Variants in G3BP2 observed in about 807,000 individuals in gnomAD.
G3BP2 encodes ras GTPase-activating protein-binding protein 2.
A neutral mutation model predicts 56.7 loss-of-function variants in G3BP2; 11 were observed. The ratio of observed to expected loss-of-function variants is 0.19; its 90% CI spans 0.12 to 0.32. G3BP2 has a LOEUF of 0.32. Ranked by LOEUF, G3BP2 falls within the 10% of genes least tolerant of loss-of-function variation. G3BP2 has a pLI of 1.00. For missense variants in G3BP2, 340 were observed against 610.9 expected, an observed-to-expected ratio of 0.56 and a Z score of 4.67; for synonymous variants, 165 against 191.6, an observed-to-expected ratio of 0.86 and a Z score of 1.15.
chr4:75,658,247 T>C (rs926038658), intron 3 of G3BP2, among the ~76,000 whole-genome samples: 5 of 152,170 alleles, frequency 3.3e-5, no homozygotes, highest in African/African-American at 1.2e-4. Flanking sequence ...AATACATCAA[T>C]GATATAAAAC....
At chr4:75,687,610 A>G (rs943031753) in intron 3 of G3BP2, among the ~76,000 whole-genome samples, 1 of 152,248 alleles carries the variant, frequency 6.6e-6, no homozygotes, top group Non-Finnish European at 1.5e-5. Context: ...TTTGCTTAGG[A>G]ATACATTTTT....
chr4:75,686,309 G>C (rs1330348963), intron 3 of G3BP2, among the ~76,000 whole-genome samples: 1 of 152,056 alleles, frequency 6.6e-6, no homozygotes, highest in Non-Finnish European at 1.5e-5. Context: ...TATGCTAATG[G>C]AAGAGACACA....
chr4:75,677,711 A>C (rs1230207966), upstream of G3BP2, among the ~76,000 whole-genome samples: 1 of 152,212 alleles, frequency 6.6e-6, no homozygotes, highest in Non-Finnish European at 1.5e-5. Context: ...TTTTTCTTGG[A>C]AAGTGTCTTT....
In G3BP2 at chr4:75,655,793, CACT is replaced by C. The variant is rs749852840; in HGVS notation, c.517_519del (p.Ser173del). On this transcript the variant is annotated inframe_deletion, in exon 6 of 12. Coordinates refer to ENST00000359707, the MANE Select transcript of G3BP2 (RefSeq NM_203505.3). ...GTCACAGGGTGAGCTTCATAGTAAC[CACT>C]GTTAGCATTTTCTTGCACAGGTTCA... 2 of 1,593,030 alleles carry C rather than the reference CACT, an allele frequency of 1.3e-6. No homozygotes were observed. The highest frequency in any genetic ancestry group is 1.7e-6 in the Non-Finnish European group (2 of 1,160,826).
chr4:75,691,682 C>T (rs534223348), intron 3 of G3BP2, among the ~76,000 whole-genome samples: 65 of 152,334 alleles, frequency 4.3e-4, no homozygotes, highest in African/African-American at 1.4e-3. Flanking sequence ...GATTCCCAAA[C>T]TTGGTTGCAC....
intron 9 of G3BP2, among the ~76,000 whole-genome samples, chr4:75,647,661 C>T (rs1334208540): frequency 6.6e-6 from 1 of 152,060 alleles, no homozygotes; most frequent in Non-Finnish European, 1.5e-5. Context: ...CTCCCAATAA[C>T]ACAAGGAACA....
intron 3 of G3BP2, among the ~76,000 whole-genome samples, chr4:75,701,051 C>T (rs1324642719): frequency 2.6e-5 from 4 of 151,938 alleles, no homozygotes. Context: ...CCATGTTGGT[C>T]AGGCTGGTTT....
intron 3 of G3BP2, among the ~76,000 whole-genome samples, chr4:75,707,505 G>A (rs1384985556): frequency 2.0e-5 from 3 of 151,370 alleles, no homozygotes; most frequent in African/African-American, 7.3e-5. Flanking sequence ...GCTACTCGGA[G>A]AGGCTGAGGC....
At chr4:75,693,598 G>A (rs1718967351) in intron 3 of G3BP2, among the ~76,000 whole-genome samples, 1 of 152,032 alleles carries the variant, frequency 6.6e-6, no homozygotes, top group Non-Finnish European at 1.5e-5. Context: ...AGACCAGCCT[G>A]GCCAAGTTGG....
At chr4:75,685,308 C>T (rs1324526076) in intron 3 of G3BP2, among the ~76,000 whole-genome samples, 1 of 151,936 alleles carries the variant, frequency 6.6e-6, no homozygotes, top group Non-Finnish European at 1.5e-5. Flanking sequence ...TGACACCAGC[C>T]TGGCCAACAT....
intron 1 of G3BP2, among the ~76,000 whole-genome samples, chr4:75,669,843 A>G (rs1413897229): frequency 6.6e-6 from 1 of 152,228 alleles, no homozygotes; most frequent in Non-Finnish European, 1.5e-5. Flanking sequence ...CTGTAATTCT[A>G]GCACTTCGGG....
At chr4:75,700,382 C>T (rs1274616254) in intron 3 of G3BP2, among the ~76,000 whole-genome samples, 1 of 75,480 alleles carries the variant, frequency 1.3e-5, no homozygotes, top group Non-Finnish European at 2.8e-5. Flanking sequence ...AGGAAAAAAC[C>T]GAAATGAAAA....
intron 7 of G3BP2, among the ~76,000 whole-genome samples, chr4:75,654,739 G>A (rs1401485365): frequency 6.6e-6 from 1 of 152,114 alleles, no homozygotes; most frequent in Non-Finnish European, 1.5e-5. Flanking sequence ...CATGATTCCT[G>A]GTGCATCTGT....
chr4:75,662,178 A>G (rs1256897424), intron 1 of G3BP2, 129 bp from the exon 2 acceptor site: 5 of 579,742 alleles, frequency 8.6e-6, no homozygotes, highest in African/African-American at 1.9e-5. Context: ...CACTAATGTT[A>G]ATAAGTTCTG....
chr4:75,684,934 T>C (rs2149072648), intron 3 of G3BP2, among the ~76,000 whole-genome samples: 1 of 152,270 alleles, frequency 6.6e-6, no homozygotes, highest in African/African-American at 2.4e-5. Context: ...AAAGGCTTTA[T>C]AGTATAAAGA....
In G3BP2 at chr4:75,647,335, A is replaced by G. The variant is rs557507752; in HGVS notation, c.929-178T>C. On this transcript the variant is annotated intron_variant, in intron 9 of 11. Coordinates refer to ENST00000359707, the MANE Select transcript of G3BP2 (RefSeq NM_203505.3). Reference sequence around the variant, plus strand: ...CTAGTAGGTTAGAAAACAGCATGACACTAAAATGTAAAGTGAGGACAATGA... The same window carrying G: ...CTAGTAGGTTAGAAAACAGCATGACGCTAAAATGTAAAGTGAGGACAATGA... Among the ~76,000 whole-genome samples the G allele has an allele frequency of 1.2e-4, 18 of 152,372 alleles. 1 individual carries two copies. In the South Asian group the frequency reaches 3.7e-3, roughly 32 times the overall value.
intron 3 of G3BP2, among the ~76,000 whole-genome samples, chr4:75,700,381 C>A (rs547443952): frequency 2.7e-4 from 22 of 81,302 alleles, no homozygotes; most frequent in South Asian, 1.8e-3. Flanking sequence ...TAGGAAAAAA[C>A]CGAAATGAAA....
intron 2 of G3BP2, among the ~76,000 whole-genome samples, chr4:75,660,264 C>G (rs1732440239): frequency 6.6e-6 from 1 of 152,050 alleles, no homozygotes; most frequent in South Asian, 2.1e-4. Context: ...TTTATCTTCC[C>G]CCAAACTCCC....
chr4:75,658,211 C>A (rs1732258844), intron 3 of G3BP2, among the ~76,000 whole-genome samples: 1 of 152,140 alleles, frequency 6.6e-6, no homozygotes, highest in Non-Finnish European at 1.5e-5. Context: ...AAACTTAATA[C>A]ACTGTCTCAA....
Sources: gnomAD v4.1 joint callset for allele counts (sites outside exome capture counted in the v4.1 genomes callset) on GRCh38, gnomAD v4.1.1 for gene constraint, MANE v1.5 for transcripts, NCBI Gene and HGNC (gene_info 2026-07-23, HGNC 2026-07-21) for gene names.